The following REELD1 variants were observed in gnomAD, a reference collection of about 807,000 sequenced individuals.
REELD1 encodes the protein reeler domain containing 1.
REELD1 carries 12 observed loss-of-function variants against 6.3 expected under a neutral mutation model. The observed-to-expected ratio is 1.89, with a 90% confidence interval of 1.21 to 3.07. The LOEUF is 3.07. REELD1 is among the 30% of genes most tolerant of loss of function. The pLI is 0.00. For missense variants in REELD1, 163 were observed against 86.8 expected, an observed-to-expected ratio of 1.88 and a Z score of -3.49; for synonymous variants, 57 against 33.6, an observed-to-expected ratio of 1.70 and a Z score of -2.42.
chr4:146,225,712 T>C (rs1731009859), intron 5 of REELD1, among the ~76,000 whole-genome samples: 1 of 152,312 alleles, frequency 6.6e-6, no homozygotes, highest in East Asian at 1.9e-4. Flanking sequence ...ACCATGTTTG[T>C]TTGAACATGA....
Position 146,229,037 on chromosome 4 carries a change from T to A in REELD1, c.921T>A (p.Asp307Glu), listed in dbSNP as rs1731079393. ...TTCTTCCCTTTAGAACTCAGGATGA[T>A]CCCAGCTTTGATTCACTGGAAACTT... ...SLSTHHRTQDDPSFDSLETCL... is the reference protein window; with the variant it reads ...SLSTHHRTQDEPSFDSLETCL... The change falls in exon 7 of 8, where the codon GAT (aspartate) becomes GAA (glutamate). Residue 307 changes from aspartate to glutamate, a missense_variant. Asp to Glu is a conservative substitution (Grantham distance 45). Transcript: ENST00000623665. The A allele has an allele frequency of 1.4e-6, 1 of 702,304 alleles. No individual in the cohort carries two copies. Among genetic ancestry groups the A allele is most frequent in the Non-Finnish European group, 2.6e-6 (1 of 384,924 alleles). The allele number at this position is 702,304 out of a possible 1,614,324, so 43.5% of individuals were successfully genotyped here. A position where few individuals can be genotyped will look rare whatever the true frequency, so the allele number is the denominator to read the frequency against.
intron 5 of REELD1, among the ~76,000 whole-genome samples, chr4:146,225,402 G>A (rs770564728): frequency 2.0e-5 from 3 of 152,004 alleles, no homozygotes; most frequent in African/African-American, 7.3e-5. Context: ...TTTACTCTTT[G>A]CTAATATGTT....
At chr4:146,216,322 T>A (rs946444047) in intron 2 of REELD1, among the ~76,000 whole-genome samples, 2 of 152,260 alleles carry the variant, frequency 1.3e-5, no homozygotes, top group African/African-American at 4.8e-5. Flanking sequence ...GAGTATTTCT[T>A]TCTCTGCTCA....
At chr4:146,219,696 G>T (rs1730886000) in intron 3 of REELD1, among the ~76,000 whole-genome samples, 1 of 152,034 alleles carries the variant, frequency 6.6e-6, no homozygotes, top group African/African-American at 2.4e-5. Context: ...TCAAAAGGTA[G>T]AAAATTAAAA....
intron 5 of REELD1, 74 bp downstream of exon 5, chr4:146,224,682 T>C (rs1730989681): frequency 1.0e-5 from 7 of 675,174 alleles, no homozygotes; most frequent in Admixed American, 2.1e-5. Flanking sequence ...CACTTAAAAG[T>C]TACTACTGCC....
chr4:146,227,891 C>A (rs1181828962), intron 5 of REELD1, among the ~76,000 whole-genome samples: 1 of 152,102 alleles, frequency 6.6e-6, no homozygotes, highest in African/African-American at 2.4e-5. Context: ...TAGCTAGAAG[C>A]AGTTTTTGGC....
At chr4:146,221,298 T>C (rs1373773047) in intron 3 of REELD1, among the ~76,000 whole-genome samples, 3 of 152,238 alleles carry the variant, frequency 2.0e-5, no homozygotes, top group African/African-American at 4.8e-5. Context: ...AATGCAATAT[T>C]TGTCATCTTG....
In REELD1 at chr4:146,228,238, G is replaced by C. The variant is rs186055074; in HGVS notation, c.624G>C (p.Gln208His). 7 of 702,524 alleles carry C rather than the reference G, an allele frequency of 1.0e-5. No individual in the cohort carries two copies. The African/African-American group carries it at 1.2e-4, about 12-fold the overall frequency. 43.5% of individuals were successfully genotyped at this position (702,524 alleles called of 1,614,324 possible). Residue 208 changes from glutamine (Q) to histidine (H), a missense_variant, in exon 6 of 8, where the codon CAG becomes CAC. Gln to His is a conservative substitution (Grantham distance 24, BLOSUM62 0). Coordinates refer to ENST00000623665, the MANE Select transcript of REELD1 (RefSeq NM_001354631.1). ...PAPRTPITLP[Q>H]QHTHVFAVAL... is the part of the protein sequence containing the mutation. ...CCAGGACCCCCATCACTCTTCCACA[G>C]CAGCACACACATGTCTTTGCTGTTG...
intron 4 of REELD1, among the ~76,000 whole-genome samples, chr4:146,222,860 G>C (rs552069036): frequency 1.3e-5 from 2 of 152,302 alleles, no homozygotes; most frequent in African/African-American, 4.8e-5. Context: ...ACCTCTCTAG[G>C]AGTTTCTGAC....
At chr4:146,228,161 G>A (rs771596099) in intron 5 of REELD1, 49 bp from the exon 6 acceptor site, 75 of 672,566 alleles carry the variant, frequency 1.1e-4, no homozygotes, top group African/African-American at 6.2e-4. Flanking sequence ...CAATCGATGC[G>A]GGGAAAATGC....
At chr4:146,218,907 G>T (rs185193569) in intron 3 of REELD1, among the ~76,000 whole-genome samples, 2 of 152,048 alleles carry the variant, frequency 1.3e-5, no homozygotes, top group Non-Finnish European at 2.9e-5. Flanking sequence ...CCAGCACTTT[G>T]GGAGGCCAAG....
intron 4 of REELD1, 96 bp downstream of exon 4, chr4:146,222,675 T>G (rs1185547294): frequency 3.0e-5 from 12 of 397,462 alleles, no homozygotes; most frequent in Non-Finnish European, 4.9e-5. Flanking sequence ...CCTTTCCCCC[T>G]CCTTATGTGG....
At chr4:146,228,745 G>A (rs28605093) in intron 6 of REELD1, among the ~76,000 whole-genome samples, 54,724 of 151,914 alleles carry the variant, frequency 0.36, 10,671 homozygotes, top group African/African-American at 0.51. Flanking sequence ...GCTGTTATAA[G>A]TAAAACTTTA....
chr4:146,229,943 TC>T lies in REELD1; in HGVS notation c.1013del (p.Pro338LeufsTer91). ...CCTCTAACAGGACCGTGACACAGCC[TC>T]CTCTGTCCACCGTCCAGCTTACCTA... Reference protein sequence around the residue: ...KASNRTVTQPPLSTVQLTYPQ... With the variant: ...KASNRTVTQPXLSTVQLTYPQ... On this transcript the variant is annotated frameshift_variant, in exon 8 of 8. Coordinates refer to ENST00000623665, the MANE Select transcript of REELD1 (RefSeq NM_001354631.1). LOFTEE classifies it low-confidence loss of function (END_TRUNC). 2.5e-6 allele frequency: 1 copy of T among 398,654 alleles called. No individual in the cohort carries two copies. The highest frequency in any genetic ancestry group is 4.4e-6 in the Non-Finnish European group (1 of 226,100). 24.7% of individuals were successfully genotyped at this position (398,654 alleles called of 1,614,324 possible).
chr4:146,223,264 G>A (rs1446928818), intron 4 of REELD1, among the ~76,000 whole-genome samples: 4 of 152,202 alleles, frequency 2.6e-5, no homozygotes, highest in African/African-American at 9.7e-5. Flanking sequence ...TGCAGGCAGA[G>A]GTAGTCCAGC....
intron 4 of REELD1, 150 bp downstream of exon 4, chr4:146,222,729 G>A (rs923868199): frequency 6.8e-5 from 27 of 396,624 alleles, no homozygotes; most frequent in Non-Finnish European, 1.1e-4. Flanking sequence ...GCCTAAACTG[G>A]AGAGCCTATG....
intron 3 of REELD1, among the ~76,000 whole-genome samples, chr4:146,221,629 G>A (rs1286873992): frequency 2.0e-5 from 3 of 152,216 alleles, no homozygotes; most frequent in African/African-American, 7.2e-5. Context: ...GGGAGGCCGA[G>A]GAGGGCGGAT....
chr4:146,228,020 C>T (rs1731055344), intron 5 of REELD1, among the ~76,000 whole-genome samples, 190 bp from the exon 6 acceptor site: 2 of 152,102 alleles, frequency 1.3e-5, no homozygotes, highest in African/African-American at 4.8e-5. Context: ...TAAGCCCTTG[C>T]GTGGTCAGGG....
intron 5 of REELD1, among the ~76,000 whole-genome samples, chr4:146,225,198 A>T (rs1451928120): frequency 6.6e-6 from 1 of 152,186 alleles, no homozygotes; most frequent in Admixed American, 6.5e-5. Context: ...AAGAAAAGCA[A>T]CAAAACAAAG....
Sources: allele counts gnomAD v4.1 joint callset (sites outside exome capture counted in the v4.1 genomes callset), GRCh38; gene constraint gnomAD v4.1.1; transcripts MANE v1.5; gene names NCBI Gene and HGNC (gene_info 2026-07-23, HGNC 2026-07-21).